The following ZNF385D variants were observed in gnomAD, a reference collection of about 807,000 sequenced individuals.
ZNF385D encodes zinc finger protein 659.
ZNF385D carries 15 observed loss-of-function variants against 35.8 expected under a neutral mutation model. The observed-to-expected ratio is 0.42, with a 90% CI of 0.28 to 0.64. ZNF385D has a LOEUF of 0.64. Ranked by LOEUF, ZNF385D falls within the 30% of genes least tolerant of loss-of-function variation. The pLI is 0.23. For synonymous variants in ZNF385D, 212 were observed against 186.8 expected, an observed-to-expected ratio of 1.13 and a Z score of -1.10; for missense variants, 474 against 494.6, an observed-to-expected ratio of 0.96 and a Z score of 0.39.
Position 21,421,257 on chromosome 3 carries a change from G to C in ZNF385D, c.1145C>G (p.Pro382Arg). 6.2e-7 allele frequency: 1 copy of C among 1,614,078 alleles called. No homozygotes were observed. Among genetic ancestry groups the C allele is most frequent in the Non-Finnish European group, 8.5e-7 (1 of 1,180,016 alleles). The change falls in exon 8 of 8, where the codon CCC becomes CGC. Residue 382 changes from proline (P) to arginine (R), a missense_variant. By Grantham distance (103) the Pro-to-Arg change is moderately radical. Transcript: ENST00000281523. Reference protein sequence around the residue: ...PPALLRPAPGPIRTAHTPVLF... With the variant: ...PPALLRPAPGRIRTAHTPVLF... ...CACAGGAGTGTGGGCGGTCCGAATG[G>C]GTCCAGGAGCTGGCCGCAGGAGTGC...
chr3:21,570,336 G>A (rs1384770719), intron 2 of ZNF385D, among the ~76,000 whole-genome samples: 1 of 152,136 alleles, frequency 6.6e-6, no homozygotes, highest in Non-Finnish European at 1.5e-5. Flanking sequence ...ATTTGTAAAT[G>A]AGCATACAGG....
intron 3 of ZNF385D, among the ~76,000 whole-genome samples, chr3:21,802,852 G>C (rs1022136339): frequency 6.6e-6 from 1 of 152,118 alleles, no homozygotes; most frequent in African/African-American, 2.4e-5. Flanking sequence ...AAAGCTACCA[G>C]GCCTAAACAG....
At chr3:21,721,961 G>T (rs376896324) in intron 1 of ZNF385D, among the ~76,000 whole-genome samples, 1 of 152,074 alleles carries the variant, frequency 6.6e-6, no homozygotes, top group East Asian at 1.9e-4. Context: ...TTAACTGGGC[G>T]TGGTGGCGTG....
At chr3:22,130,242 C>G (rs1356523378) in intron 3 of ZNF385D, among the ~76,000 whole-genome samples, 1 of 152,146 alleles carries the variant, frequency 6.6e-6, no homozygotes, top group African/African-American at 2.4e-5. Context: ...CAGTTGCAAG[C>G]TGCACTGCCT....
intron 3 of ZNF385D, among the ~76,000 whole-genome samples, chr3:22,149,001 C>G (rs540566273): frequency 6.6e-6 from 1 of 152,056 alleles, no homozygotes; most frequent in Admixed American, 6.6e-5. Flanking sequence ...GCTGCAAAAA[C>G]CAGTTAAGTG....
chr3:21,928,382 G>T (rs563019770), intron 3 of ZNF385D, among the ~76,000 whole-genome samples: 1 of 151,162 alleles, frequency 6.6e-6, no homozygotes, highest in Non-Finnish European at 1.5e-5. Context: ...GGAAAGCAAA[G>T]GAAGAAAGAT....
intron 2 of ZNF385D, among the ~76,000 whole-genome samples, chr3:21,578,220 G>C (rs551988603): frequency 3.9e-5 from 6 of 152,002 alleles, no homozygotes; most frequent in Non-Finnish European, 8.8e-5. Flanking sequence ...GTATATTACG[G>C]ATATTAATCC....
intron 2 of ZNF385D, among the ~76,000 whole-genome samples, chr3:21,663,719 C>A (rs2125256261): frequency 1.3e-5 from 2 of 151,090 alleles, no homozygotes; most frequent in East Asian, 3.9e-4. Context: ...ATGGAAAATT[C>A]CTCTCCCTAC....
chr3:21,767,623 G>A (rs2125601895), intron 3 of ZNF385D, among the ~76,000 whole-genome samples: 1 of 151,996 alleles, frequency 6.6e-6, no homozygotes, highest in East Asian at 1.9e-4. Flanking sequence ...GTATATAGAT[G>A]AGTGGGTGGA....
intron 2 of ZNF385D, among the ~76,000 whole-genome samples, chr3:22,305,121 A>G (rs1299014538): frequency 6.6e-6 from 1 of 151,720 alleles, no homozygotes; most frequent in African/African-American, 2.4e-5. Context: ...AATCTTTCTT[A>G]TTACTTTATT....
chr3:21,862,508 T>C (rs577190783), intron 3 of ZNF385D, among the ~76,000 whole-genome samples: 36 of 152,218 alleles, frequency 2.4e-4, no homozygotes, highest in Non-Finnish European at 4.0e-4. Flanking sequence ...TTGCCAAAAC[T>C]TAAATAAGGA....
At chr3:21,685,082 A>G in intron 1 of ZNF385D, among the ~76,000 whole-genome samples, 1 of 152,204 alleles carries the variant, frequency 6.6e-6, no homozygotes, top group Non-Finnish European at 1.5e-5. Context: ...AAAGGAATAT[A>G]CGTTTTTAAC....
intron 3 of ZNF385D, among the ~76,000 whole-genome samples, chr3:21,970,733 T>C (rs1703197168): frequency 6.6e-6 from 1 of 151,916 alleles, no homozygotes. Flanking sequence ...ACCAAGAAGA[T>C]TTAACCCAAG....
At chr3:22,285,661 T>TC (rs1472305477) in intron 2 of ZNF385D, among the ~76,000 whole-genome samples, 2 of 152,218 alleles carry the variant, frequency 1.3e-5, no homozygotes, top group Admixed American at 1.3e-4. Context: ...TAGGTATATC[T>TC]CCTAATGCTC....
At chr3:22,333,467 A>G (rs1050803758) in intron 2 of ZNF385D, among the ~76,000 whole-genome samples, 13 of 151,134 alleles carry the variant, frequency 8.6e-5, no homozygotes, top group Non-Finnish European at 1.5e-4. Context: ...TTTTTTTTCT[A>G]TCTTTTTTTC....
intron 3 of ZNF385D, among the ~76,000 whole-genome samples, chr3:22,143,059 TTGTGTGTGTG>T (rs57448532): frequency 0.019 from 2,643 of 140,924 alleles, 51 homozygotes; most frequent in East Asian, 0.066. Context: ...ATTAAATCGG[TTGTGTGTGTG>T]TGTGTGTGTG....
intron 4 of ZNF385D, among the ~76,000 whole-genome samples, chr3:21,475,047 A>G (rs1704145642): frequency 6.6e-6 from 1 of 152,090 alleles, no homozygotes; most frequent in Admixed American, 6.6e-5. Flanking sequence ...GAGTGAAAAA[A>G]TGCTACTGAG....
chr3:22,336,859 T>A (rs1407825277), intron 2 of ZNF385D, among the ~76,000 whole-genome samples: 1 of 116,474 alleles, frequency 8.6e-6, no homozygotes, highest in Non-Finnish European at 1.6e-5. Flanking sequence ...ATTACAGACA[T>A]AATGGTAATG....
chr3:21,528,104 T>C (rs1393871604), intron 3 of ZNF385D, among the ~76,000 whole-genome samples: 3 of 152,168 alleles, frequency 2.0e-5, no homozygotes, highest in African/African-American at 7.2e-5. Context: ...GTCTCCAAAG[T>C]TCATTGCACC....
Sources: allele counts gnomAD v4.1 joint callset (sites outside exome capture counted in the v4.1 genomes callset), GRCh38; gene constraint gnomAD v4.1.1; transcripts MANE v1.5; gene names NCBI Gene and HGNC (gene_info 2026-07-23, HGNC 2026-07-21).